Variants in PRTFDC1 observed in about 807,000 individuals in gnomAD.
PRTFDC1 encodes the protein phosphoribosyl transferase domain containing 1.
A neutral mutation model predicts 34.6 loss-of-function variants in PRTFDC1; 38 were observed. That is an observed-to-expected ratio of 1.10 (90% CI 0.85 to 1.44). The LOEUF is 1.44. Among genes scored for constraint, PRTFDC1 ranks in the 40% most tolerant of loss-of-function variants. The probability of loss-of-function intolerance (pLI) is 0.00; values close to 1 mark genes in which losing one functional copy is unlikely to be tolerated. For synonymous variants in PRTFDC1, 93 were observed against 98.1 expected, an observed-to-expected ratio of 0.95 and a Z score of 0.31; for missense variants, 270 against 283.0, an observed-to-expected ratio of 0.95 and a Z score of 0.33.
intron 2 of PRTFDC1, among the ~76,000 whole-genome samples, chr10:24,941,870 AGG>A (rs1221316348): frequency 6.6e-6 from 1 of 152,200 alleles, no homozygotes; most frequent in Non-Finnish European, 1.5e-5. Context: ...AAAGTCAAGC[AGG>A]TTTCTTTTCT....
intron 3 of PRTFDC1, among the ~76,000 whole-genome samples, chr10:24,926,387 T>C (rs59409706): frequency 0.013 from 1,973 of 152,336 alleles, 36 homozygotes; most frequent in African/African-American, 0.042. Flanking sequence ...CTTTCATCCA[T>C]CTTTTTTTGA....
At chr10:24,849,989 C>T (rs1281928781) in intron 8 of PRTFDC1, 98 bp from the exon 9 acceptor site, 2 of 1,095,218 alleles carry the variant, frequency 1.8e-6, no homozygotes, top group Non-Finnish European at 2.8e-6. Flanking sequence ...CTGTAATTGG[C>T]TATTGATCAT....
intron 3 of PRTFDC1, among the ~76,000 whole-genome samples, chr10:24,924,067 A>C (rs184460840): frequency 7.2e-5 from 11 of 152,330 alleles, no homozygotes; most frequent in Admixed American, 7.2e-4. Context: ...TTGAAGATCA[A>C]ATTAATGAAA....
At chr10:24,909,057 G>C (rs1329816845) in intron 3 of PRTFDC1, among the ~76,000 whole-genome samples, 1 of 152,188 alleles carries the variant, frequency 6.6e-6, no homozygotes, top group Non-Finnish European at 1.5e-5. Flanking sequence ...CATTTTGGGA[G>C]ATTGATTGAG....
At chr10:24,945,269 T>C (rs1011347002) in intron 1 of PRTFDC1, among the ~76,000 whole-genome samples, 1 of 152,186 alleles carries the variant, frequency 6.6e-6, no homozygotes, top group Admixed American at 6.5e-5. Context: ...GAATATGGTA[T>C]AGTGCTCAAA....
At chr10:24,942,259 T>C in intron 2 of PRTFDC1, 71 bp downstream of exon 2, 2 of 1,249,440 alleles carry the variant, frequency 1.6e-6, no homozygotes, top group Non-Finnish European at 1.2e-6. Context: ...TCCTAAAGTA[T>C]ATTGTGGGAT....
intron 2 of PRTFDC1, among the ~76,000 whole-genome samples, chr10:24,940,111 T>C (rs1323319916): frequency 6.6e-6 from 1 of 152,178 alleles, no homozygotes; most frequent in African/African-American, 2.4e-5. Flanking sequence ...TTGGAGACTT[T>C]AACATCCCCT....
At chr10:24,916,163 G>A (rs1434742988) in intron 3 of PRTFDC1, among the ~76,000 whole-genome samples, 1 of 152,158 alleles carries the variant, frequency 6.6e-6, no homozygotes, top group Non-Finnish European at 1.5e-5. Context: ...ACGTATGGGT[G>A]ATGGCTTTGT....
At chr10:24,941,141 C>G (rs970083422) in intron 2 of PRTFDC1, among the ~76,000 whole-genome samples, 1 of 151,944 alleles carries the variant, frequency 6.6e-6, no homozygotes, top group African/African-American at 2.4e-5. Context: ...GCAGCCTTGA[C>G]CTCCCAGACT....
chr10:24,908,779 T>C, intron 3 of PRTFDC1: 1 of 1,439,618 alleles, frequency 6.9e-7, no homozygotes, highest in Non-Finnish European at 9.1e-7. Context: ...ATCAATGGGG[T>C]GACTGATGCC....
intron 3 of PRTFDC1, among the ~76,000 whole-genome samples, chr10:24,920,309 A>ATG (rs1554765039): frequency 2.0e-5 from 3 of 148,320 alleles, no homozygotes; most frequent in Non-Finnish European, 2.9e-5. Context: ...GTATATATAT[A>ATG]TGTGTGTGTA....
intron 3 of PRTFDC1, among the ~76,000 whole-genome samples, chr10:24,925,368 T>C (rs1243131022): frequency 6.6e-6 from 1 of 152,086 alleles, no homozygotes; most frequent in African/African-American, 2.4e-5. Context: ...AAATAACTAA[T>C]GTAAATGTCG....
At chr10:24,881,386 C>T (rs902470122) in intron 3 of PRTFDC1, among the ~76,000 whole-genome samples, 1 of 152,142 alleles carries the variant, frequency 6.6e-6, no homozygotes, top group African/African-American at 2.4e-5. Flanking sequence ...ACAGCAGTCA[C>T]CTGGAGATCA....
intron 7 of PRTFDC1, among the ~76,000 whole-genome samples, chr10:24,851,740 A>G (rs1264485274): frequency 6.6e-6 from 1 of 151,938 alleles, no homozygotes. Flanking sequence ...AGCCTGGTGC[A>G]TAACAAGAAA....
intron 3 of PRTFDC1, among the ~76,000 whole-genome samples, chr10:24,893,296 CTT>C (rs1244233312): frequency 1.3e-5 from 2 of 151,984 alleles, no homozygotes; most frequent in African/African-American, 4.8e-5. Context: ...CTCTTTCTCT[CTT>C]TCTTTCTCTT....
chr10:24,883,121 AATAAT>A (rs1170682046), intron 3 of PRTFDC1, among the ~76,000 whole-genome samples: 18 of 148,310 alleles, frequency 1.2e-4, no homozygotes, highest in Non-Finnish European at 1.6e-4. Flanking sequence ...TATAATTATA[AATAAT>A]ATAATATAAC....
intron 3 of PRTFDC1, among the ~76,000 whole-genome samples, chr10:24,876,240 C>T (rs865837172): frequency 6.6e-6 from 1 of 151,686 alleles, no homozygotes; most frequent in Non-Finnish European, 1.5e-5. Context: ...AAACAAAAAA[C>T]CCAACAAACC....
chr10:24,893,255 GTTCTCTCTCTCTCTCT>G (rs1588597127), intron 3 of PRTFDC1, among the ~76,000 whole-genome samples: 3 of 115,346 alleles, frequency 2.6e-5, no homozygotes, highest in African/African-American at 7.5e-5. Context: ...TGATTCTTTT[GTTCTCTCTCTCTCTCT>G]TTCTCTCTCT....
intron 4 of PRTFDC1, among the ~76,000 whole-genome samples, chr10:24,866,707 C>T (rs1847784688): frequency 6.6e-6 from 1 of 152,066 alleles, no homozygotes; most frequent in Non-Finnish European, 1.5e-5. Context: ...TGAGGGCTCA[C>T]TTTATTCAAC....
Sources: gnomAD v4.1 joint callset for allele counts (sites outside exome capture counted in the v4.1 genomes callset) on GRCh38, gnomAD v4.1.1 for gene constraint, MANE v1.5 for transcripts, NCBI Gene and HGNC (gene_info 2026-07-23, HGNC 2026-07-21) for gene names.